RBMX2: variants seen among roughly 807,000 people sequenced by gnomAD.
RBMX2 encodes RNA binding motif protein X-linked 2.
For missense variants in RBMX2, 191 were observed against 256.0 expected (o/e 0.75, Z 1.73); for synonymous variants, 77 against 94.3 (o/e 0.82, Z 1.07).
intron 2 of RBMX2, among the ~76,000 whole-genome samples, chrX:130,402,898 T>A (rs1183779603): frequency 8.9e-6 from 1 of 112,471 alleles, no homozygotes; most frequent in Non-Finnish European, 1.9e-5. Flanking sequence ...ATTGTACAAG[T>A]TTGATGCTTC....
At chrX:130,404,524 G>A (rs2034474448) in intron 3 of RBMX2, 1 of 112,704 alleles carries the variant, frequency 8.9e-6, no homozygotes, top group Non-Finnish European at 1.9e-5. Flanking sequence ...AGTCCACAGG[G>A]CTAGAGGACC....
intron 3 of RBMX2, among the ~76,000 whole-genome samples, chrX:130,408,492 T>G (rs749488361): frequency 1.2e-4 from 13 of 112,075 alleles, no homozygotes; most frequent in Non-Finnish European, 1.1e-4. Flanking sequence ...TGCCATTTAT[T>G]TTTTTTTAAT....
chrX:130,402,410 C>G, intron 2 of RBMX2, 40 bp downstream of exon 2: 1 of 1,185,645 alleles, frequency 8.4e-7, no homozygotes, highest in Non-Finnish European at 1.1e-6. Context: ...TCTCCAGATT[C>G]TCCTGCTCGG....
chrX:130,412,332 A>G, intron 5 of RBMX2, 29 bp from the exon 6 acceptor site: 3 of 1,052,445 alleles, frequency 2.9e-6, no homozygotes, highest in Non-Finnish European at 3.7e-6. Context: ...CCCTTTTCTT[A>G]TTTACTGCTT....
chrX:130,408,918 T>G lies in RBMX2; in HGVS notation c.174-339T>G, dbSNP rs186577924. On this transcript the variant is annotated intron_variant, in intron 3 of 5. Transcript: ENST00000305536. ...TTCTTTTTGCATTTCAAATAGCTTT[T>G]TTAATTAAAATTTTTGATTTCTTAA... 2.8e-3 allele frequency among the ~76,000 whole-genome samples: 320 copies of G among 112,817 alleles called. 1 individual carries two copies. The highest frequency in any genetic ancestry group is 0.01 in the African/African-American group (317 of 31,153).
At position 130,405,915 on chromosome X, in the gene RBMX2, C is replaced by T. The variant is rs1250237060; in HGVS notation, c.173+2062C>T. 4.4e-4 allele frequency among the ~76,000 whole-genome samples: 20 copies of T among 45,514 alleles called. 2 individuals carry two copies. In the South Asian group the frequency reaches 0.014, roughly 31 times the overall value. The allele number at this position is 45,514 out of a possible 115,157, so 39.5% of individuals were successfully genotyped here. Reference sequence around the variant, plus strand: ...TGTCGCCCAGGCTGGAGTGCAGTGGCGGGATCTCGGCTCACTGCAAGCTCC... The same window carrying T: ...TGTCGCCCAGGCTGGAGTGCAGTGGTGGGATCTCGGCTCACTGCAAGCTCC... On this transcript the variant is annotated intron_variant, in intron 3 of 5. Transcript: ENST00000305536.
Position 130,409,251 on chromosome X carries a change from A to C in RBMX2, c.174-6A>C. On this transcript the variant is annotated splice_region_variant and splice_polypyrimidine_tract_variant and intron_variant, in intron 3 of 5. Transcript: ENST00000305536. ...ACAGTGTCTTACTCTTTTATAAAAT[A>C]AATAGATATGGGGAGATTGTTAACA... 44 of 1,193,450 alleles carry C rather than the reference A, an allele frequency of 3.7e-5. No individual in the cohort carries two copies. Among genetic ancestry groups the C allele is most frequent in the Non-Finnish European group, 5.0e-5 (44 of 886,661 alleles).
chrX:130,405,836 T>TA (rs1423490419), intron 3 of RBMX2, among the ~76,000 whole-genome samples: 27 of 7,429 alleles, frequency 3.6e-3, no homozygotes, highest in Middle Eastern at 0.024. Context: ...GCTTTGCCTT[T>TA]TTTTTTTTTT....
chrX:130,412,075 A>G (rs374000254), intron 5 of RBMX2, among the ~76,000 whole-genome samples: 3 of 106,321 alleles, frequency 2.8e-5, no homozygotes, highest in Non-Finnish European at 1.9e-5. Flanking sequence ...AGCACCCGCC[A>G]CCACACCCGG....
rs1421755375 is a variant in RBMX2 at position 130,411,443 on chromosome X, G to A, written c.399G>A (p.Glu133=). The A allele has an allele frequency of 8.3e-7, 1 of 1,208,247 alleles. No individual in the cohort carries two copies. Among genetic ancestry groups the A allele is most frequent in the African/African-American group, 1.8e-5 (1 of 57,000 alleles). ...ATGATGTGACCAGACAACTCCAGGA[G>A]AAGGGCTGTGGGGCTCGTACCCCCT... ...EIDDVTRQLQ[E]KGCGARTPSP... Residue 133 remains glutamate, a synonymous_variant, in exon 5 of 6, where the codon GAG becomes GAA. Transcript: ENST00000305536.
At chrX:130,402,228 C>CG in intron 1 of RBMX2, 27 bp from the exon 2 acceptor site, 544 of 1,028,731 alleles carry the variant, frequency 5.3e-4, no homozygotes, top group Non-Finnish European at 6.6e-4. Flanking sequence ...TCTGCCTACC[C>CG]TCCCCACCCC....
chrX:130,407,288 T>C (rs1046836833), intron 3 of RBMX2, among the ~76,000 whole-genome samples: 1 of 111,731 alleles, frequency 9.0e-6, no homozygotes, highest in African/African-American at 3.3e-5. Context: ...GGCCTTGCTC[T>C]GACACCCACG....
rs933413450 is a variant in RBMX2, at chrX:130,412,669, A to C, written c.790A>C (p.Thr264Pro). ...SSRREAREEK[T>P]RIRDRGRSSD... The stretch of plus-strand genomic sequence containing the variant: ...CAGGAGGGAGGCAAGAGAAGAAAAG[A>C]CCAGGATTAGGGACAGAGGGCGGAG... The change falls in exon 6 of 6, where the codon ACC becomes CCC. Residue 264 changes from threonine (T) to proline (P), a missense_variant. Physicochemically the swap from Thr to Pro is conservative, Grantham distance 38 (BLOSUM62 -1). Coordinates refer to ENST00000305536, the MANE Select transcript of RBMX2 (RefSeq NM_016024.4). The C allele has an allele frequency of 8.3e-7, 1 of 1,210,560 alleles. No homozygotes were observed.
chrX:130,404,903 A>T (rs955729205), intron 3 of RBMX2, among the ~76,000 whole-genome samples: 4 of 112,582 alleles, frequency 3.6e-5, no homozygotes, highest in African/African-American at 9.7e-5. Context: ...GCAGCCTATA[A>T]TTTCTACCCC....
At chrX:130,402,772 C>T (rs2034463015) in intron 2 of RBMX2, among the ~76,000 whole-genome samples, 1 of 111,316 alleles carries the variant, frequency 9.0e-6, no homozygotes, top group African/African-American at 3.3e-5. Context: ...CATATTGCTA[C>T]CACCACCCTC....
At position 130,412,429 on chromosome X, in the gene RBMX2, C is replaced by T. The variant is rs1179430587; in HGVS notation, c.550C>T (p.Pro184Ser). 1 of 1,204,985 alleles carries T rather than the reference C, an allele frequency of 8.3e-7. No homozygotes were observed. The highest frequency in any genetic ancestry group is 3.0e-5 in the East Asian group (1 of 33,637). Residue 184 changes from proline to serine, a missense_variant, in exon 6 of 6, where the codon CCA (proline) becomes TCA (serine). Pro to Ser is a moderately conservative substitution (Grantham distance 74). Coordinates refer to ENST00000305536, the MANE Select transcript of RBMX2 (RefSeq NM_016024.4). ...KADREVQAEQ[P>S]SSSSPRRKTV... ...CGACCGGGAGGTACAGGCAGAGCAA[C>T]CATCCTCTTCGTCACCCAGACGCAA... is the stretch of plus-strand genomic sequence containing the variant.
chrX:130,412,450 C>T lies in RBMX2; in HGVS notation c.571C>T (p.Arg191Cys), dbSNP rs746633954. 1.9e-5 allele frequency: 23 copies of T among 1,206,812 alleles called. No individual in the cohort carries two copies. The highest frequency in any genetic ancestry group is 1.2e-4 in the East Asian group (4 of 33,680). Reference protein sequence around the residue: ...AEQPSSSSPRRKTVKEKDDTG... With the variant: ...AEQPSSSSPRCKTVKEKDDTG... The stretch of plus-strand genomic sequence containing the variant: ...GCAACCATCCTCTTCGTCACCCAGA[C>T]GCAAGACAGTAAAGGAAAAGGATGA... The change falls in exon 6 of 6, where the codon CGC becomes TGC. Residue 191 changes from arginine to cysteine, a missense_variant. Physicochemically the swap from Arg to Cys is radical, Grantham distance 180 (BLOSUM62 -3). Coordinates refer to ENST00000305536, the MANE Select transcript of RBMX2 (RefSeq NM_016024.4).
intron 4 of RBMX2, 60 bp from the exon 5 acceptor site, chrX:130,411,288 A>G (rs760010579): frequency 1.4e-5 from 14 of 1,033,890 alleles, no homozygotes; most frequent in Non-Finnish European, 1.8e-5. Context: ...CTTGTGTTCA[A>G]ATAGTTTGAC....
intron 3 of RBMX2, among the ~76,000 whole-genome samples, chrX:130,405,567 A>G (rs1454715646): frequency 9.0e-6 from 1 of 111,200 alleles, no homozygotes; most frequent in East Asian, 2.8e-4. Context: ...ATTATTTCCA[A>G]TGGTTTGCTA....
Sources: gnomAD v4.1 joint callset for allele counts (sites outside exome capture counted in the v4.1 genomes callset) on GRCh38, gnomAD v4.1.1 for gene constraint, MANE v1.5 for transcripts, NCBI Gene and HGNC (gene_info 2026-07-23, HGNC 2026-07-21) for gene names.